Variants in COL22A1 observed in about 807,000 individuals in gnomAD.
COL22A1 encodes the protein collagen alpha-1(XXII) chain.
A neutral mutation model predicts 248.9 loss-of-function variants in COL22A1; 221 were observed. That is an observed-to-expected ratio of 0.89 (90% CI 0.80 to 0.99). The LOEUF (loss-of-function observed/expected upper bound fraction) is 0.99, where lower values mean the gene tolerates loss of function less well. COL22A1 is among the 50% of genes least tolerant of loss of function. The pLI, the probability that COL22A1 is intolerant of heterozygous loss-of-function variation, is 0.00. For missense variants in COL22A1, 2,240 were observed against 2,179.0 expected (o/e 1.03, Z -0.56); for synonymous variants, 891 against 793.4 (o/e 1.12, Z -2.07).
chr8:138,701,973 C>A (rs142400073), intron 31 of COL22A1, among the ~76,000 whole-genome samples: 2 of 152,158 alleles, frequency 1.3e-5, no homozygotes, highest in Admixed American at 6.5e-5. Context: ...ATTCACTTAA[C>A]TTTGTGCTTA....
chr8:138,660,948 ACACACAGACACACACG>A (rs1823853253), intron 43 of COL22A1, among the ~76,000 whole-genome samples: 1 of 12,558 alleles, frequency 8.0e-5, no homozygotes. Flanking sequence ...ACACACATAA[ACACACAGACACACACG>A]CACACACACA....
intron 3 of COL22A1, among the ~76,000 whole-genome samples, chr8:138,848,752 G>A (rs969286003): frequency 2.0e-5 from 3 of 152,162 alleles, no homozygotes; most frequent in Non-Finnish European, 4.4e-5. Flanking sequence ...TATAAAAACT[G>A]AGTCCAAGAT....
intron 1 of COL22A1, among the ~76,000 whole-genome samples, chr8:138,904,738 T>A (rs1814888040): frequency 6.6e-6 from 1 of 152,188 alleles, no homozygotes. Context: ...TTGAGCAGCG[T>A]CTGGTCTGGT....
intron 1 of COL22A1, among the ~76,000 whole-genome samples, chr8:138,910,604 AT>A (rs1399498458): frequency 6.6e-6 from 1 of 151,986 alleles, no homozygotes; most frequent in Non-Finnish European, 1.5e-5. Flanking sequence ...TGGTAACCTG[AT>A]AAATATGTCT....
chr8:138,657,153 T>A (rs1303387934), intron 44 of COL22A1, among the ~76,000 whole-genome samples: 1 of 152,208 alleles, frequency 6.6e-6, no homozygotes, highest in East Asian at 1.9e-4. Context: ...CTCAAGGAAT[T>A]ATCCGCACTG....
Position 138,877,764 on chromosome 8 carries a change from C to G in COL22A1, c.644G>C (p.Arg215Pro). The change falls in exon 3 of 65, where the codon CGC (arginine) becomes CCC (proline). Residue 215 changes from arginine (R) to proline (P), a missense_variant. Arg to Pro is a moderately radical substitution (Grantham distance 103). Coordinates refer to ENST00000303045, the MANE Select transcript of COL22A1 (RefSeq NM_152888.3). ...GGCGCACTCACTTTCACAAAGACGG[C>G]GCCGCAGCTTGCCCCGGATCTTGTC... The part of the protein sequence containing the change: ...AIDKIRGKLR[R>P]RLCENVLCPS... 3 of 1,588,580 alleles carry G rather than the reference C, an allele frequency of 1.9e-6. No individual in the cohort carries two copies. Among genetic ancestry groups the G allele is most frequent in the Non-Finnish European group, 2.6e-6 (3 of 1,166,276 alleles).
At chr8:138,596,329 T>C (rs1023868539) in intron 62 of COL22A1, among the ~76,000 whole-genome samples, 8 of 152,216 alleles carry the variant, frequency 5.3e-5, no homozygotes, top group East Asian at 1.9e-4. Context: ...AGGGCCTTCA[T>C]ACATGTTGCT....
At chr8:138,814,777 T>C (rs1267987421) in intron 7 of COL22A1, among the ~76,000 whole-genome samples, 2 of 152,162 alleles carry the variant, frequency 1.3e-5, no homozygotes, top group Non-Finnish European at 2.9e-5. Flanking sequence ...TTTGTTGTTT[T>C]AATCTGCTTT....
intron 12 of COL22A1, among the ~76,000 whole-genome samples, chr8:138,786,965 T>C (rs1815583565): frequency 6.6e-6 from 1 of 152,206 alleles, no homozygotes; most frequent in African/African-American, 2.4e-5. Flanking sequence ...TGCCTATTCA[T>C]CTTCCACCAG....
intron 9 of COL22A1, among the ~76,000 whole-genome samples, chr8:138,811,557 C>A (rs574628355): frequency 1.3e-5 from 2 of 152,120 alleles, no homozygotes; most frequent in African/African-American, 4.8e-5. Flanking sequence ...AAGGAGTAAC[C>A]TGGGAAGCCT....
chr8:138,690,972 A>G, intron 35 of COL22A1, 98 bp from the exon 36 acceptor site: 5 of 937,818 alleles, frequency 5.3e-6, no homozygotes, highest in Non-Finnish European at 7.9e-6. Context: ...ATTCACCGCA[A>G]TGTGCTGGAA....
intron 1 of COL22A1, among the ~76,000 whole-genome samples, chr8:138,885,557 A>G (rs1824598888): frequency 6.6e-6 from 1 of 151,416 alleles, no homozygotes; most frequent in African/African-American, 2.4e-5. Context: ...CCAAATGCCA[A>G]CGTATCACAC....
chr8:138,657,357 G>A (rs1229216985), intron 44 of COL22A1, among the ~76,000 whole-genome samples: 1 of 152,232 alleles, frequency 6.6e-6, no homozygotes, highest in East Asian at 1.9e-4. Context: ...GGTTCATATG[G>A]TTCAAATTGG....
Position 138,823,099 on chromosome 8 carries a change from T to G in COL22A1, c.970-1688A>C, listed in dbSNP as rs940055852. 4.6e-5 allele frequency among the ~76,000 whole-genome samples: 7 copies of G among 152,336 alleles called. No individual in the cohort carries two copies. In the East Asian group the frequency reaches 1.2e-3, roughly 25 times the overall value. ...TGAATCACTTTTTAGCTGTGTGACC[T>G]TGGGTAAGTTATTTAACCTTTCTAC... is the stretch of plus-strand genomic sequence containing the variant. On this transcript the variant is annotated intron_variant, in intron 6 of 64. Coordinates refer to ENST00000303045, the MANE Select transcript of COL22A1 (RefSeq NM_152888.3).
At chr8:138,795,125 A>G (rs1352072893) in intron 12 of COL22A1, among the ~76,000 whole-genome samples, 2 of 152,128 alleles carry the variant, frequency 1.3e-5, no homozygotes, top group Admixed American at 1.3e-4. Flanking sequence ...GAAAGTAGCT[A>G]CTGAATTTGA....
intron 50 of COL22A1, among the ~76,000 whole-genome samples, chr8:138,626,809 A>C (rs1272758494): frequency 6.6e-6 from 1 of 152,164 alleles, no homozygotes; most frequent in African/African-American, 2.4e-5. Context: ...TGTTTTACCA[A>C]ATTTCATTAA....
chr8:138,837,344 C>A (rs542242059), intron 4 of COL22A1, among the ~76,000 whole-genome samples: 1 of 152,332 alleles, frequency 6.6e-6, no homozygotes, highest in African/African-American at 2.4e-5. Context: ...CCCGAGAGAT[C>A]CCAAGTTGGA....
chr8:138,752,034 C>T (rs1444057224), intron 21 of COL22A1, among the ~76,000 whole-genome samples: 5 of 152,188 alleles, frequency 3.3e-5, no homozygotes, highest in Admixed American at 3.3e-4. Flanking sequence ...CATTCGAATC[C>T]TGCCCCCTCG....
At chr8:138,702,153 A>C (rs1828023725) in intron 31 of COL22A1, among the ~76,000 whole-genome samples, 2 of 152,222 alleles carry the variant, frequency 1.3e-5, no homozygotes, top group African/African-American at 4.8e-5. Context: ...GGTACTGCCA[A>C]GTAACTTCTC....
Sources: allele counts gnomAD v4.1 joint callset (sites outside exome capture counted in the v4.1 genomes callset), GRCh38; gene constraint gnomAD v4.1.1; transcripts MANE v1.5; gene names NCBI Gene and HGNC (gene_info 2026-07-23, HGNC 2026-07-21).